The following GKAP1 variants were observed in gnomAD, a reference collection of about 807,000 sequenced individuals.
GKAP1 encodes G kinase anchoring protein 1.
GKAP1 carries 31 observed loss-of-function variants against 56.7 expected under a neutral mutation model. That is an observed-to-expected ratio of 0.55 (90% confidence interval 0.41 to 0.74). The LOEUF (loss-of-function observed/expected upper bound fraction) is 0.74. Among genes scored for constraint, GKAP1 ranks in the 30% least tolerant of loss-of-function variants. The probability of loss-of-function intolerance (pLI) is 0.00; values close to 1 mark genes in which losing one functional copy is unlikely to be tolerated. For missense variants in GKAP1, 364 were observed against 402.3 expected (o/e 0.90, Z 0.82); for synonymous variants, 151 against 138.6 (o/e 1.09, Z -0.63).
At chr9:83,779,480 C>G (rs1411928611) in intron 7 of GKAP1, among the ~76,000 whole-genome samples, 1 of 124,150 alleles carries the variant, frequency 8.1e-6, no homozygotes, top group Non-Finnish European at 1.7e-5. Flanking sequence ...TATACATATA[C>G]ATACATATAT....
chr9:83,744,988 A>T (rs949334338), intron 10 of GKAP1, among the ~76,000 whole-genome samples: 1 of 152,114 alleles, frequency 6.6e-6, no homozygotes, highest in Non-Finnish European at 1.5e-5. Flanking sequence ...ATCTGGTCCC[A>T]CCCTTGACAA....
At chr9:83,785,793 C>T (rs1245876700) in intron 5 of GKAP1, among the ~76,000 whole-genome samples, 3 of 152,072 alleles carry the variant, frequency 2.0e-5, no homozygotes, top group Admixed American at 1.3e-4. Flanking sequence ...AAATGAAAAC[C>T]CAAAATCAAT....
intron 7 of GKAP1, among the ~76,000 whole-genome samples, chr9:83,780,173 A>C (rs1035168736): frequency 2.6e-5 from 4 of 152,102 alleles, no homozygotes; most frequent in Non-Finnish European, 4.4e-5. Context: ...AAATTATATT[A>C]TGCTTCATGC....
chr9:83,806,992 G>A (rs761663202), intron 2 of GKAP1, among the ~76,000 whole-genome samples: 5 of 152,084 alleles, frequency 3.3e-5, no homozygotes, highest in Non-Finnish European at 5.9e-5. Context: ...GAGTAAAGAC[G>A]GAATACCACT....
At chr9:83,757,274 TC>T (rs1421964072) in intron 8 of GKAP1, among the ~76,000 whole-genome samples, 3 of 152,158 alleles carry the variant, frequency 2.0e-5, no homozygotes, top group Non-Finnish European at 4.4e-5. Flanking sequence ...AGTGGTCTGC[TC>T]CAGCTAGAAG....
intron 8 of GKAP1, among the ~76,000 whole-genome samples, chr9:83,764,685 G>A (rs974032287): frequency 6.6e-6 from 1 of 152,164 alleles, no homozygotes; most frequent in African/African-American, 2.4e-5. Flanking sequence ...AGTCCAGGCT[G>A]AGGTGGTCTC....
chr9:83,795,588 C>CTTTTTTTTT lies in GKAP1; in HGVS notation c.360+3588_360+3596dup, dbSNP rs58291258. 1.1e-4 allele frequency among the ~76,000 whole-genome samples: 12 copies of CTTTTTTTTT among 109,028 alleles called. 1 individual carries two copies. The highest frequency in any genetic ancestry group is 2.9e-4 in the East Asian group (1 of 3,432). 71.5% of individuals were successfully genotyped at this position (109,028 alleles called of 152,430 possible). On this transcript the variant is annotated intron_variant, in intron 4 of 12. Transcript: ENST00000376371. ...CAGTTATGGTTATGTCTGAGAGTGT[C>CTTTTTTTTT]TTTTTTTTTTTTTTTTTTTTTGAGA... is the stretch of plus-strand genomic sequence containing the variant.
At position 83,796,898 on chromosome 9, in the gene GKAP1, CTTGA is replaced by C. The variant is rs370877067; in HGVS notation, c.360+2283_360+2286del. Among the ~76,000 whole-genome samples, 12 of 152,334 alleles carry C rather than the reference CTTGA, an allele frequency of 7.9e-5. No homozygotes were observed. The South Asian group carries it at 2.1e-3, about 26-fold the overall frequency. On this transcript the variant is annotated intron_variant, in intron 4 of 12. Coordinates refer to ENST00000376371, the MANE Select transcript of GKAP1 (RefSeq NM_025211.4). ...TGACTTTTACAAAACGTTCTAGCCTCTTGATTTTTATTAAAGCAAAACATAGATG... is the reference window on the plus strand; with the variant it reads ...TGACTTTTACAAAACGTTCTAGCCTCTTTTTATTAAAGCAAAACATAGATG...
In GKAP1 at chr9:83,748,351, C is replaced by A; in HGVS notation, c.862G>T (p.Ala288Ser). The A allele has an allele frequency of 6.3e-7, 1 of 1,589,962 alleles. No individual in the cohort carries two copies. The highest frequency in any genetic ancestry group is 1.1e-5 in the South Asian group (1 of 88,312). Residue 288 changes from alanine to serine, a missense_variant, in exon 10 of 13, where the codon GCA becomes TCA. Physicochemically the swap from Ala to Ser is moderately conservative, Grantham distance 99. Transcript: ENST00000376371. ...QWEAKYKEVK[A>S]RNAQLLKMLQ... ...ATTTTCAATAATTGTGCATTTCTTGCCTTTACTTCCTTATACTTTGCCTAA... is the reference window on the plus strand; with the variant it reads ...ATTTTCAATAATTGTGCATTTCTTGACTTTACTTCCTTATACTTTGCCTAA...
intron 7 of GKAP1, among the ~76,000 whole-genome samples, chr9:83,774,979 T>A (rs1311680308): frequency 6.6e-6 from 1 of 150,648 alleles, no homozygotes; most frequent in Non-Finnish European, 1.5e-5. Context: ...AGTGCTGGGA[T>A]TACAGGGGTG....
intron 10 of GKAP1, among the ~76,000 whole-genome samples, chr9:83,747,595 T>C (rs919352586): frequency 2.6e-4 from 39 of 152,140 alleles, no homozygotes; most frequent in African/African-American, 9.4e-4. Flanking sequence ...ACTAAGGTGC[T>C]GTAAGAGTGA....
Position 83,768,898 on chromosome 9 carries a change from T to C in GKAP1, c.658A>G (p.Ile220Val), listed in dbSNP as rs1396919477. The change falls in exon 8 of 13, where the codon ATT becomes GTT. Residue 220 changes from isoleucine to valine, a missense_variant. Physicochemically the swap from Ile to Val is conservative, Grantham distance 29 (BLOSUM62 3). Transcript: ENST00000376371. The part of the protein sequence containing the change: ...FNRLEDDVHK[I>V]LIREKRREQL... ...TCTCTTCGTTTTTCTCTAATAAGAA[T>C]TTTATGAACATCATCTTCCAGTCTA... 1.2e-6 allele frequency: 2 copies of C among 1,611,452 alleles called. No homozygotes were observed. The highest frequency in any genetic ancestry group is 1.7e-6 in the Non-Finnish European group (2 of 1,178,378).
At position 83,768,833 on chromosome 9, in the gene GKAP1, AGC is replaced by A; in HGVS notation, c.721_722del (p.Ala241SerfsTer2). On this transcript the variant is annotated frameshift_variant, in exon 8 of 13. Transcript: ENST00000376371. LOFTEE classifies it high-confidence loss of function. The stretch of plus-strand genomic sequence containing the variant: ...CTTTACATGCCTGGTTGTGTTCATG[AGC>A]TGTACAATTATCTGTTCCATTATAT... ...TEYNGTDNCT[A>X]HEHNQEVVLK... 6.2e-7 allele frequency: 1 copy of A among 1,611,950 alleles called. No individual in the cohort carries two copies. Among genetic ancestry groups the A allele is most frequent in the Admixed American group, 1.7e-5 (1 of 59,828 alleles).
At chr9:83,810,082 G>T (rs1944487291) in intron 2 of GKAP1, among the ~76,000 whole-genome samples, 2 of 152,126 alleles carry the variant, frequency 1.3e-5, no homozygotes, top group African/African-American at 4.8e-5. Flanking sequence ...AAAGTGCTGG[G>T]ATTACAGGCA....
intron 8 of GKAP1, among the ~76,000 whole-genome samples, chr9:83,768,035 C>T (rs1019397634): frequency 6.6e-6 from 1 of 152,132 alleles, no homozygotes; most frequent in Non-Finnish European, 1.5e-5. Context: ...CCATTCTTAG[C>T]TTACAGTCCT....
chr9:83,748,343 A>G lies in GKAP1; in HGVS notation c.870T>C (p.Asn290=). 2 of 1,598,426 alleles carry G rather than the reference A, an allele frequency of 1.3e-6. No homozygotes were observed. Among genetic ancestry groups the G allele is most frequent in the South Asian group, 1.1e-5 (1 of 88,860 alleles). The change falls in exon 10 of 13, where the codon AAT becomes AAC. Residue 290 remains asparagine, a synonymous_variant. Coordinates refer to ENST00000376371, the MANE Select transcript of GKAP1 (RefSeq NM_025211.4). ...CCTGAAGCATTTTCAATAATTGTGC[A>G]TTTCTTGCCTTTACTTCCTTATACT... The part of the protein sequence containing the change: ...EAKYKEVKAR[N]AQLLKMLQEG...
intron 3 of GKAP1, among the ~76,000 whole-genome samples, chr9:83,800,321 G>A (rs1451081117): frequency 1.3e-5 from 2 of 148,426 alleles, no homozygotes; most frequent in Admixed American, 6.7e-5. Flanking sequence ...GCCTAAAGCT[G>A]CCTCCTTACG....
At chr9:83,782,142 A>G (rs1173137615) in intron 6 of GKAP1, among the ~76,000 whole-genome samples, 1 of 149,370 alleles carries the variant, frequency 6.7e-6, no homozygotes, top group Non-Finnish European at 1.5e-5. Context: ...GTGCCCAGCC[A>G]CTTCTTTCTT....
chr9:83,807,396 T>C lies in GKAP1; in HGVS notation c.-43-836A>G, dbSNP rs1944454427. 3.3e-5 allele frequency among the ~76,000 whole-genome samples: 5 copies of C among 152,304 alleles called. 1 individual carries two copies. In the South Asian group the frequency reaches 1.0e-3, roughly 32 times the overall value. On this transcript the variant is annotated intron_variant, in intron 2 of 12. Coordinates refer to ENST00000376371, the MANE Select transcript of GKAP1 (RefSeq NM_025211.4). ...TCTGAAAGTCCAAATTAAGAAGCCC[T>C]GTAACAACCAGAAGACTAAGTGCTC...
Sources: gnomAD v4.1 joint callset for allele counts (sites outside exome capture counted in the v4.1 genomes callset) on GRCh38, gnomAD v4.1.1 for gene constraint, MANE v1.5 for transcripts, NCBI Gene and HGNC (gene_info 2026-07-23, HGNC 2026-07-21) for gene names.